The following ABCA12 variants were observed in gnomAD, a reference collection of about 807,000 sequenced individuals.
ABCA12 encodes the protein ATP binding cassette subfamily A member 12, also known as glucosylceramide transporter ABCA12.
In ABCA12, 156 loss-of-function variants were observed where a neutral mutation model predicts 293.5. That is an observed-to-expected ratio of 0.53 (90% confidence interval 0.47 to 0.61). ABCA12 has a LOEUF of 0.61. ABCA12 is among the 20% of genes least tolerant of loss of function. The probability of loss-of-function intolerance (pLI) is 0.00; values close to 1 mark genes in which losing one functional copy is unlikely to be tolerated. For missense variants in ABCA12, 2,797 were observed against 3,090.2 expected, an observed-to-expected ratio of 0.91 and a Z score of 2.25; for synonymous variants, 1,063 against 1,108.0, an observed-to-expected ratio of 0.96 and a Z score of 0.81.
intron 1 of ABCA12, among the ~76,000 whole-genome samples, chr2:215,133,855 T>C (rs1479000052): frequency 6.6e-6 from 1 of 152,118 alleles, no homozygotes; most frequent in East Asian, 1.9e-4. Context: ...CAGAGAATGT[T>C]AGAGAAAAAA....
At chr2:215,081,276 G>A (rs1701930789) in intron 2 of ABCA12, among the ~76,000 whole-genome samples, 1 of 151,908 alleles carries the variant, frequency 6.6e-6, no homozygotes, top group South Asian at 2.1e-4. Context: ...TCAGAAGTTC[G>A]AGACCAGCCT....
At chr2:215,005,119 A>G (rs1700225394) in intron 19 of ABCA12, among the ~76,000 whole-genome samples, 1 of 152,170 alleles carries the variant, frequency 6.6e-6, no homozygotes. Flanking sequence ...TGACTTTCTC[A>G]CTTTGTTTAC....
chr2:215,101,144 G>A (rs1702349213), intron 2 of ABCA12, among the ~76,000 whole-genome samples: 1 of 152,196 alleles, frequency 6.6e-6, no homozygotes, highest in South Asian at 2.1e-4. Context: ...AGAATAGGGT[G>A]CTGGCAGCCA....
chr2:215,133,304 C>T (rs1240933343), intron 1 of ABCA12, among the ~76,000 whole-genome samples: 1 of 151,192 alleles, frequency 6.6e-6, no homozygotes. Context: ...TGGATGTCTA[C>T]CATTCAAGCA....
At chr2:215,101,335 T>C (rs1702352710) in intron 2 of ABCA12, among the ~76,000 whole-genome samples, 1 of 151,630 alleles carries the variant, frequency 6.6e-6, no homozygotes. Context: ...ACCTGGCGAG[T>C]TCTTCAAAAT....
chr2:215,078,468 G>A lies in ABCA12; in HGVS notation c.164-14249C>T, dbSNP rs112084717. Among the ~76,000 whole-genome samples, 1,139 of 152,244 alleles carry A rather than the reference G, an allele frequency of 7.5e-3. 14 individuals are homozygous for A. The highest frequency in any genetic ancestry group is 0.026 in the African/African-American group (1,084 of 41,542). The stretch of plus-strand genomic sequence containing the variant: ...AATTCTTGTTAATCTTTCACATTTC[G>A]GGTAATGTTGCCTTCAAATTCATTT... On this transcript the variant is annotated intron_variant, in intron 2 of 52. Coordinates refer to ENST00000272895, the MANE Select transcript of ABCA12 (RefSeq NM_173076.3).
intron 9 of ABCA12, among the ~76,000 whole-genome samples, chr2:215,031,433 T>A (rs937249592): frequency 1.3e-5 from 2 of 152,142 alleles, no homozygotes; most frequent in Non-Finnish European, 2.9e-5. Flanking sequence ...GCTGGTCAGA[T>A]TATGGTATTT....
chr2:215,078,635 C>G (rs767866077), intron 2 of ABCA12, among the ~76,000 whole-genome samples: 2 of 152,156 alleles, frequency 1.3e-5, no homozygotes, highest in African/African-American at 4.8e-5. Context: ...TTCATTCAAT[C>G]CAAACATGGC....
chr2:214,932,596 C>T lies in ABCA12; in HGVS notation c.*38G>A. 2 of 1,440,108 alleles carry T rather than the reference C, an allele frequency of 1.4e-6. No individual in the cohort carries two copies. The highest frequency in any genetic ancestry group is 2.0e-6 in the Non-Finnish European group (2 of 1,022,578). The allele number at this position is 1,440,108 out of a possible 1,614,324, so 89.2% of individuals were successfully genotyped here. Reference sequence around the variant, plus strand: ...TCTGTGGCTTTTCTTCAAAATGAAGCCATTGGTCACACGCTGAGATTGAGT... The same window carrying T: ...TCTGTGGCTTTTCTTCAAAATGAAGTCATTGGTCACACGCTGAGATTGAGT... On this transcript the variant is annotated 3_prime_UTR_variant, in exon 53 of 53. Transcript: ENST00000272895.
intron 30 of ABCA12, 95 bp downstream of exon 30, chr2:214,982,092 G>C: frequency 7.7e-7 from 1 of 1,305,728 alleles, no homozygotes; most frequent in Non-Finnish European, 1.1e-6. Flanking sequence ...GATTATAGGC[G>C]TGAGCCACTG....
intron 39 of ABCA12, among the ~76,000 whole-genome samples, chr2:214,961,384 G>A (rs4672741): frequency 0.54 from 82,166 of 151,814 alleles, 23,200 homozygotes; most frequent in African/African-American, 0.71. Flanking sequence ...AATTCTTTAT[G>A]CTCTGTAACT....
At chr2:215,127,357 A>G (rs58304620) in intron 1 of ABCA12, among the ~76,000 whole-genome samples, 12,473 of 152,078 alleles carry the variant, frequency 0.082, 1,188 homozygotes, top group African/African-American at 0.23. Flanking sequence ...TTGACTTTCT[A>G]CCTTGATGAC....
intron 1 of ABCA12, among the ~76,000 whole-genome samples, chr2:215,113,630 A>AT (rs1702622897): frequency 6.6e-6 from 1 of 152,168 alleles, no homozygotes; most frequent in Admixed American, 6.5e-5. Flanking sequence ...GTCCTGGAAT[A>AT]TTTTTGTTGG....
Position 215,011,896 on chromosome 2 carries a change from A to C in ABCA12, c.2121+75T>G, listed in dbSNP as rs77105536. The C allele has an allele frequency of 1.2e-3, 1,788 of 1,437,920 alleles. 19 individuals carry two copies. In the African/African-American group the frequency reaches 0.021, roughly 17 times the overall value. The allele number at this position is 1,437,920 out of a possible 1,614,324, so 89.1% of individuals were successfully genotyped here. A position where few individuals can be genotyped will look rare whatever the true frequency, so the allele number is the denominator to read the frequency against. ...TTTTTTTTCAATGTACTACGATTGA[A>C]GCTGAATGTATTATAACTACTCAAT... On this transcript the variant is annotated intron_variant, in intron 16 of 52. Coordinates refer to ENST00000272895, the MANE Select transcript of ABCA12 (RefSeq NM_173076.3).
chr2:214,976,508 A>T (rs1399767592), intron 33 of ABCA12, among the ~76,000 whole-genome samples: 1 of 152,176 alleles, frequency 6.6e-6, no homozygotes, highest in Non-Finnish European at 1.5e-5. Flanking sequence ...ATTGTGAGTA[A>T]CTTAGTGACT....
intron 50 of ABCA12, among the ~76,000 whole-genome samples, chr2:214,942,341 A>G (rs1234450479): frequency 6.6e-6 from 1 of 152,210 alleles, no homozygotes; most frequent in Non-Finnish European, 1.5e-5. Flanking sequence ...TTATACAGAA[A>G]AGTATAAAAT....
chr2:214,936,969 T>A (rs1244153974), intron 51 of ABCA12, among the ~76,000 whole-genome samples: 1 of 151,860 alleles, frequency 6.6e-6, no homozygotes, highest in African/African-American at 2.4e-5. Context: ...GTGAAAGGAC[T>A]GTGTTAACTT....
At chr2:215,109,329 A>G (rs935728533) in intron 2 of ABCA12, among the ~76,000 whole-genome samples, 2 of 152,148 alleles carry the variant, frequency 1.3e-5, no homozygotes, top group African/African-American at 4.8e-5. Context: ...TTTCTTTCCT[A>G]TCCCACATGA....
Position 214,953,981 on chromosome 2 carries a change from C to A in ABCA12, c.6520G>T (p.Val2174Leu). 1 of 1,614,086 alleles carries A rather than the reference C, an allele frequency of 6.2e-7. No individual in the cohort carries two copies. The highest frequency in any genetic ancestry group is 8.5e-7 in the Non-Finnish European group (1 of 1,179,994). Residue 2174 changes from valine (V) to leucine (L), a missense_variant, in exon 44 of 53, where the codon GTG becomes TTG. Coordinates refer to ENST00000272895, the MANE Select transcript of ABCA12 (RefSeq NM_173076.3). The part of the protein sequence containing the change: ...SVLDFLKAYG[V>L]EYPNETFEMN... Reference sequence around the variant, plus strand: ...TCAAAGGTTTCATTTGGGTATTCCACTCCATATGCTTTTAAGAAGTCTAGG... The same window carrying A: ...TCAAAGGTTTCATTTGGGTATTCCAATCCATATGCTTTTAAGAAGTCTAGG...
Sources: allele counts gnomAD v4.1 joint callset (sites outside exome capture counted in the v4.1 genomes callset), GRCh38; gene constraint gnomAD v4.1.1; transcripts MANE v1.5; gene names NCBI Gene and HGNC (gene_info 2026-07-23, HGNC 2026-07-21).